SCN1A: variants seen among roughly 807,000 people sequenced by gnomAD.
SCN1A encodes the protein sodium voltage-gated channel alpha subunit 1, also known as sodium channel protein type 1 subunit alpha.
A neutral mutation model predicts 193.7 loss-of-function variants in SCN1A; 13 were observed. That is an observed-to-expected ratio of 0.07 (90% CI 0.04 to 0.11). The LOEUF (loss-of-function observed/expected upper bound fraction) is 0.11. SCN1A is among the 10% of genes least tolerant of loss of function. The pLI is 1.00. For synonymous variants in SCN1A, 781 were observed against 843.6 expected (o/e 0.93, Z 1.29); for missense variants, 1,432 against 2,451.1 (o/e 0.58, Z 8.78).
At chr2:166,090,629 A>T (rs1302767991) in intron 2 of SCN1A, among the ~76,000 whole-genome samples, 1 of 152,152 alleles carries the variant, frequency 6.6e-6, no homozygotes, top group East Asian at 1.9e-4. Flanking sequence ...GTCACTAGGT[A>T]TGAGACATTT....
At chr2:166,064,082 A>G (rs2105939835) in intron 4 of SCN1A, among the ~76,000 whole-genome samples, 1 of 152,272 alleles carries the variant, frequency 6.6e-6, no homozygotes, top group African/African-American at 2.4e-5. Context: ...TAACAGTTTA[A>G]TAATCTGGGA....
At chr2:166,086,078 C>A (rs904081030) in intron 2 of SCN1A, among the ~76,000 whole-genome samples, 2 of 152,140 alleles carry the variant, frequency 1.3e-5, no homozygotes, top group Non-Finnish European at 2.9e-5. Context: ...ACTGAATTGA[C>A]CTTCTCCTGG....
At chr2:166,096,294 GGTT>G (rs1487304423) in intron 2 of SCN1A, among the ~76,000 whole-genome samples, 1 of 150,072 alleles carries the variant, frequency 6.7e-6, no homozygotes, top group South Asian at 2.1e-4. Flanking sequence ...TTTTTTTTTT[GGTT>G]GTTGTTACAG....
chr2:166,112,290 C>T (rs904717636), intron 2 of SCN1A, among the ~76,000 whole-genome samples: 1 of 152,120 alleles, frequency 6.6e-6, no homozygotes, highest in African/African-American at 2.4e-5. Context: ...AACATCAAAG[C>T]GAGACTCTCC....
rs1467564075 is a variant in SCN1A at position 165,994,262 on chromosome 2, A to G, written c.4736T>C (p.Val1579Ala). Residue 1579 changes from valine (V) to alanine (A), a missense_variant, in exon 28 of 29, where the codon GTG (valine) becomes GCG (alanine). Physicochemically the swap from Val to Ala is moderately conservative, Grantham distance 64 (BLOSUM62 0). This residue lies in a region of SCN1A where 85 missense variants were observed against 119.1 expected (regional missense o/e 0.71). Transcript: ENST00000674923. ...VTTILSRINL[V>A]FIVLFTGECV... ...CTCTCCAGTAAATAGCACAATGAAC[A>G]CCAGATTGATGCGTGACAAAATGGT... 2 of 1,613,108 alleles carry G rather than the reference A, an allele frequency of 1.2e-6. No individual in the cohort carries two copies. The highest frequency in any genetic ancestry group is 2.7e-5 in the African/African-American group (2 of 74,858).
chr2:166,127,782 G>A lies in SCN1A; in HGVS notation c.-240C>T, dbSNP rs892629404. ...ATTAGATGGCTTACCTGATTAAAAG[G>A]AAAATTATCCATCTGCAGTGAGGAA... On this transcript the variant is annotated 5_prime_UTR_variant, in exon 1 of 29. Coordinates refer to ENST00000674923, the MANE Select transcript of SCN1A (RefSeq NM_001165963.4). The A allele has an allele frequency of 6.6e-6, 1 of 152,092 alleles. No individual in the cohort carries two copies. Among genetic ancestry groups the A allele is most frequent in the Non-Finnish European group, 1.5e-5 (1 of 68,016 alleles). The allele number at this position is 152,092 out of a possible 1,614,324, so 9.4% of individuals were successfully genotyped here. A position where few individuals can be genotyped will look rare whatever the true frequency, so the allele number is the denominator to read the frequency against.
chr2:166,004,909 T>C (rs890438299), intron 23 of SCN1A, among the ~76,000 whole-genome samples: 7 of 151,470 alleles, frequency 4.6e-5, no homozygotes, highest in Non-Finnish European at 7.4e-5. Context: ...TTTTCCCCTT[T>C]GAATTCAAGA....
chr2:166,045,331 T>G lies in SCN1A; in HGVS notation c.1378-4A>C. 2 of 1,614,064 alleles carry G rather than the reference T, an allele frequency of 1.2e-6. No homozygotes were observed. Among genetic ancestry groups the G allele is most frequent in the South Asian group, 2.2e-5 (2 of 91,084 alleles). Reference sequence around the variant, plus strand: ...AGGCAGTTGCCGTTGCTGCCTGCTATATTGAAGAGAAATGATTTTAACATA... The same window carrying G: ...AGGCAGTTGCCGTTGCTGCCTGCTAGATTGAAGAGAAATGATTTTAACATA... On this transcript the variant is annotated splice_polypyrimidine_tract_variant and splice_region_variant and intron_variant, in intron 12 of 28. Transcript: ENST00000674923.
Position 166,054,783 on chromosome 2 carries a change from A to G in SCN1A, c.474-17T>C, listed in dbSNP as rs1359770777. 3 of 1,607,026 alleles carry G rather than the reference A, an allele frequency of 1.9e-6. 1 individual carries two copies. The highest frequency in any genetic ancestry group is 3.4e-5 in the Admixed American group (2 of 59,630). On this transcript the variant is annotated splice_polypyrimidine_tract_variant and intron_variant, in intron 6 of 28. Transcript: ENST00000674923. ...AAGGTGTATCTGAAAACAAGCATCC[A>G]AAAAATTTGATAAAGTAACAGTGTT...
chr2:166,149,027 A>C (rs1692430571), intron 1 of SCN1A: 1 of 152,248 alleles, frequency 6.6e-6, no homozygotes, highest in South Asian at 2.1e-4. Flanking sequence ...TAAACTGCTG[A>C]AACATGCAAA....
At chr2:166,130,419 G>A (rs187259571), upstream of SCN1A, among the ~76,000 whole-genome samples, 146 of 152,284 alleles carry the variant, frequency 9.6e-4, 1 homozygote, top group Admixed American at 8.2e-3. Context: ...CGCATTCAGT[G>A]TGCACACTAC....
At chr2:166,087,485 C>G (rs1334579418) in intron 2 of SCN1A, among the ~76,000 whole-genome samples, 5 of 151,922 alleles carry the variant, frequency 3.3e-5, no homozygotes, top group African/African-American at 1.2e-4. Flanking sequence ...AGAAAAAAAG[C>G]CTGGCACCCC....
chr2:166,037,757 A>G lies in SCN1A; in HGVS notation c.2946+19T>C, dbSNP rs180873219. On this transcript the variant is annotated intron_variant, in intron 18 of 28. Transcript: ENST00000674923. The stretch of plus-strand genomic sequence containing the variant: ...ATGCTGGTGTATTTCCAAAATGCAT[A>G]TCTTAAGTGGGTACATACCACTAGG... 45 of 1,612,508 alleles carry G rather than the reference A, an allele frequency of 2.8e-5. No homozygotes were observed. Among genetic ancestry groups the G allele is most frequent in the Middle Eastern group, 3.3e-4 (2 of 6,058 alleles).
chr2:166,114,194 A>G (rs1412297346), intron 2 of SCN1A, among the ~76,000 whole-genome samples: 1 of 152,204 alleles, frequency 6.6e-6, no homozygotes, highest in Non-Finnish European at 1.5e-5. Flanking sequence ...AAGTGGTAGA[A>G]AAATCAGAAA....
intron 4 of SCN1A, among the ~76,000 whole-genome samples, chr2:166,066,956 T>G (rs1683907848): frequency 6.6e-6 from 1 of 152,168 alleles, no homozygotes; most frequent in Non-Finnish European, 1.5e-5. Flanking sequence ...CTCACCTTAT[T>G]CTCTTCTTAC....
Position 166,046,993 on chromosome 2 carries a change from C to G in SCN1A, c.1171-17G>C. ...ACGTAATGTCTGCAAACAAAAATATCAGAATTATTTCTCAATATTATTTCA... is the reference window on the plus strand; with the variant it reads ...ACGTAATGTCTGCAAACAAAAATATGAGAATTATTTCTCAATATTATTTCA... On this transcript the variant is annotated splice_polypyrimidine_tract_variant and intron_variant, in intron 11 of 28. Coordinates refer to ENST00000674923, the MANE Select transcript of SCN1A (RefSeq NM_001165963.4). 2 of 1,610,344 alleles carry G rather than the reference C, an allele frequency of 1.2e-6. No homozygotes were observed. Among genetic ancestry groups the G allele is most frequent in the Non-Finnish European group, 1.7e-6 (2 of 1,176,706 alleles).
chr2:166,002,978 A>G (rs1026797041), intron 23 of SCN1A: 4 of 346,156 alleles, frequency 1.2e-5, no homozygotes, highest in African/African-American at 8.5e-5. Context: ...AAATGAAACA[A>G]AAATGTTTTT....
Position 166,046,927 on chromosome 2 carries a change from A to G in SCN1A, c.1220T>C (p.Ile407Thr), listed in dbSNP as rs398123581. The change falls in exon 12 of 29, where the codon ATT (isoleucine) becomes ACT (threonine). Residue 407 changes from isoleucine (I) to threonine (T), a missense_variant. This residue lies in a region of SCN1A where 58 missense variants were observed against 103.4 expected (regional missense o/e 0.56). Coordinates refer to ENST00000674923, the MANE Select transcript of SCN1A (RefSeq NM_001165963.4). Reference protein sequence around the residue: ...KTYMIFFVLVIFLGSFYLINL... With the variant: ...KTYMIFFVLVTFLGSFYLINL... ...TATTAGGTAGAATGAGCCCAAGAAA[A>G]TGACCAATACAAAAAATATCATGTA... is the stretch of plus-strand genomic sequence containing the variant. 4 of 1,614,020 alleles carry G rather than the reference A, an allele frequency of 2.5e-6. No homozygotes were observed. The highest frequency in any genetic ancestry group is 3.4e-6 in the Non-Finnish European group (4 of 1,179,902).
chr2:166,120,399 C>A (rs1690412766), intron 2 of SCN1A, among the ~76,000 whole-genome samples: 1 of 149,912 alleles, frequency 6.7e-6, no homozygotes, highest in African/African-American at 2.5e-5. Context: ...TGGGGCCATC[C>A]TAGATATATA....
Sources: gnomAD v4.1 joint callset for allele counts (sites outside exome capture counted in the v4.1 genomes callset) on GRCh38, gnomAD v4.1.1 for gene constraint, gnomAD v4.1.1 regional missense constraint, MANE v1.5 for transcripts, NCBI Gene and HGNC (gene_info 2026-07-23, HGNC 2026-07-21) for gene names.